GRIN2A: variants seen among roughly 807,000 people sequenced by gnomAD.
The protein encoded by GRIN2A is glutamate receptor ionotropic, NMDA 2A.
Under a neutral mutation model 113.4 loss-of-function variants are expected in GRIN2A, and 22 were observed. The observed-to-expected ratio is 0.19, with a 90% confidence interval of 0.14 to 0.28. The LOEUF is 0.28. GRIN2A is among the 10% of genes least tolerant of loss of function. The pLI, the probability that GRIN2A is intolerant of heterozygous loss-of-function variation, is 1.00. For missense variants in GRIN2A, 1,502 were observed against 1,887.0 expected, an observed-to-expected ratio of 0.80 and a Z score of 3.78; for synonymous variants, 827 against 738.4, an observed-to-expected ratio of 1.12 and a Z score of -1.94.
At chr16:9,910,166 T>C (rs1356844860) in intron 3 of GRIN2A, among the ~76,000 whole-genome samples, 1 of 152,198 alleles carries the variant, frequency 6.6e-6, no homozygotes, top group Non-Finnish European at 1.5e-5. Context: ...AGGAACATTC[T>C]AGTACAAGTT....
At chr16:10,109,064 C>A (rs1311734394) in intron 2 of GRIN2A, among the ~76,000 whole-genome samples, 1 of 137,296 alleles carries the variant, frequency 7.3e-6, no homozygotes, top group Non-Finnish European at 1.6e-5. Context: ...GTAGACTGAT[C>A]AAGAAGAAAA....
chr16:10,088,558 T>C (rs1002071585), intron 2 of GRIN2A, among the ~76,000 whole-genome samples: 1 of 152,210 alleles, frequency 6.6e-6, no homozygotes. Context: ...CCGCGGGCTG[T>C]CTGGGGAACA....
At chr16:10,102,980 G>T (rs556807595) in intron 2 of GRIN2A, among the ~76,000 whole-genome samples, 1 of 152,192 alleles carries the variant, frequency 6.6e-6, no homozygotes, top group Non-Finnish European at 1.5e-5. Flanking sequence ...AGCATCTATT[G>T]TCTGCTCTGT....
rs182780643 is a variant in GRIN2A, at chr16:9,982,557, G to A, written c.415-44006C>T. Among the ~76,000 whole-genome samples the A allele has an allele frequency of 7.9e-5, 12 of 152,280 alleles. No homozygotes were observed. The East Asian group carries it at 2.3e-3, about 29-fold the overall frequency. On this transcript the variant is annotated intron_variant, in intron 2 of 12. Transcript: ENST00000330684. ...AACGCATGCTTCTTCCCCCATGTATGTTTTCAGAACAATGAATTGGTTCCC... is the reference window on the plus strand; with the variant it reads ...AACGCATGCTTCTTCCCCCATGTATATTTTCAGAACAATGAATTGGTTCCC...
At chr16:10,076,874 A>G (rs1298731114) in intron 2 of GRIN2A, among the ~76,000 whole-genome samples, 3 of 152,204 alleles carry the variant, frequency 2.0e-5, no homozygotes, top group Non-Finnish European at 2.9e-5. Flanking sequence ...CCACACCCTA[A>G]TTCCTGGAAC....
intron 2 of GRIN2A, among the ~76,000 whole-genome samples, chr16:10,138,578 C>G (rs1422217235): frequency 6.6e-6 from 1 of 152,080 alleles, no homozygotes; most frequent in Admixed American, 6.6e-5. Context: ...CACCAGGCCC[C>G]TCCCTGACAC....
At chr16:10,069,930 G>T (rs930209552) in intron 2 of GRIN2A, among the ~76,000 whole-genome samples, 2 of 152,192 alleles carry the variant, frequency 1.3e-5, no homozygotes, top group Non-Finnish European at 2.9e-5. Context: ...AACAGTTAAG[G>T]GTGGGGAGCA....
intron 2 of GRIN2A, among the ~76,000 whole-genome samples, chr16:10,022,420 T>G (rs2046742487): frequency 6.6e-6 from 1 of 152,118 alleles, no homozygotes; most frequent in African/African-American, 2.4e-5. Context: ...TACAAATCTC[T>G]TCCTTCTGTC....
chr16:9,838,193 A>G (rs985422747), intron 7 of GRIN2A, among the ~76,000 whole-genome samples: 3 of 152,206 alleles, frequency 2.0e-5, no homozygotes, highest in African/African-American at 7.2e-5. Context: ...CTGGAAAAAT[A>G]TAAGAAAGTT....
At chr16:9,946,413 A>T (rs112509150) in intron 2 of GRIN2A, among the ~76,000 whole-genome samples, 1 of 152,174 alleles carries the variant, frequency 6.6e-6, no homozygotes, top group African/African-American at 2.4e-5. Flanking sequence ...AAGCACAAGG[A>T]AACAGCTTTA....
At chr16:10,130,195 A>G (rs2049032717) in intron 2 of GRIN2A, among the ~76,000 whole-genome samples, 1 of 152,222 alleles carries the variant, frequency 6.6e-6, no homozygotes, top group African/African-American at 2.4e-5. Context: ...GCAGACTTGG[A>G]ACGCTGGTCC....
chr16:9,958,685 C>T (rs562810246), intron 2 of GRIN2A, among the ~76,000 whole-genome samples: 1 of 152,182 alleles, frequency 6.6e-6, no homozygotes, highest in East Asian at 1.9e-4. Flanking sequence ...TATTAGGTTT[C>T]AGTTGCATAT....
chr16:9,970,818 G>T, intron 2 of GRIN2A: 2 of 506,728 alleles, frequency 3.9e-6, no homozygotes, highest in Non-Finnish European at 5.1e-6. Flanking sequence ...CTTCCCCTGA[G>T]AAACGCAGAC....
At chr16:9,781,276 G>C (rs1466126283) in intron 11 of GRIN2A, among the ~76,000 whole-genome samples, 3 of 152,068 alleles carry the variant, frequency 2.0e-5, no homozygotes, top group Non-Finnish European at 4.4e-5. Context: ...TTCTAAAATA[G>C]CAAAAAGAAC....
intron 4 of GRIN2A, among the ~76,000 whole-genome samples, chr16:9,882,042 A>T (rs1038859047): frequency 4.6e-5 from 7 of 151,198 alleles, no homozygotes; most frequent in Non-Finnish European, 1.0e-4. Flanking sequence ...GATATCTCAT[A>T]CACACACACA....
At chr16:10,083,058 G>A (rs892341398) in intron 2 of GRIN2A, among the ~76,000 whole-genome samples, 8 of 152,146 alleles carry the variant, frequency 5.3e-5, no homozygotes, top group African/African-American at 1.9e-4. Flanking sequence ...CATAGGAAGA[G>A]GAACAAGTTT....
chr16:9,860,344 A>T (rs2043043786), intron 4 of GRIN2A, among the ~76,000 whole-genome samples: 1 of 149,152 alleles, frequency 6.7e-6, no homozygotes, highest in Admixed American at 6.8e-5. Flanking sequence ...GCTACTCGGG[A>T]AGTTGAGGCA....
At chr16:9,794,599 C>T (rs1902853754) in intron 11 of GRIN2A, 1 of 152,144 alleles carries the variant, frequency 6.6e-6, no homozygotes. Flanking sequence ...ATTTTCTCTC[C>T]CAAGTCTTAT....
At chr16:10,098,940 C>G (rs562634004) in intron 2 of GRIN2A, among the ~76,000 whole-genome samples, 3 of 128,394 alleles carry the variant, frequency 2.3e-5, no homozygotes, top group African/African-American at 7.9e-5. Context: ...CCCTCCCCCC[C>G]CCAAAAAAAA....
Sources: gnomAD v4.1 joint callset for allele counts (sites outside exome capture counted in the v4.1 genomes callset) on GRCh38, gnomAD v4.1.1 for gene constraint, MANE v1.5 for transcripts, NCBI Gene and HGNC (gene_info 2026-07-23, HGNC 2026-07-21) for gene names.